KAT6A: variants seen among roughly 807,000 people sequenced by gnomAD.
KAT6A encodes histone acetyltransferase KAT6A.
In KAT6A, 9 loss-of-function variants were observed where a neutral mutation model predicts 198.4. The observed-to-expected ratio is 0.05, with a 90% CI of 0.03 to 0.08. The LOEUF (loss-of-function observed/expected upper bound fraction) is 0.08, where lower values mean the gene tolerates loss of function less well. KAT6A is among the 10% of genes least tolerant of loss of function. The probability of loss-of-function intolerance (pLI) is 1.00; values close to 1 mark genes in which losing one functional copy is unlikely to be tolerated. For synonymous variants in KAT6A, 890 were observed against 883.0 expected, an observed-to-expected ratio of 1.01 and a Z score of -0.14; for missense variants, 2,077 against 2,509.9, an observed-to-expected ratio of 0.83 and a Z score of 3.69.
At chr8:42,015,676 T>C (rs1398700615) in intron 2 of KAT6A, among the ~76,000 whole-genome samples, 1 of 152,242 alleles carries the variant, frequency 6.6e-6, no homozygotes, top group Non-Finnish European at 1.5e-5. Context: ...AATATGTATG[T>C]TGAAGGATAT....
chr8:42,033,009 G>A (rs959883323), intron 2 of KAT6A, among the ~76,000 whole-genome samples: 3 of 150,786 alleles, frequency 2.0e-5, no homozygotes, highest in Non-Finnish European at 2.9e-5. Context: ...CCTCCAAGTA[G>A]CTGGGATTAC....
At position 41,932,208 on chromosome 8, in the gene KAT6A, T is replaced by C; in HGVS notation, c.6012A>G (p.Arg2004=). ...TTTGATTGCAAGTTCATCTTGCTCA[T>C]CTTCTCATGTAAGGTCCGTTGAGTG... ...KQSLNGPYMR[R] The change falls in exon 17 of 17, where the codon AGA becomes AGG. Residue 2004 remains arginine, a synonymous_variant. Transcript: ENST00000265713. 6.4e-7 allele frequency: 1 copy of C among 1,558,866 alleles called. No homozygotes were observed. The highest frequency in any genetic ancestry group is 1.2e-5 in the South Asian group (1 of 81,220).
chr8:42,038,819 CT>C (rs1356434140), intron 2 of KAT6A, among the ~76,000 whole-genome samples: 1 of 152,210 alleles, frequency 6.6e-6, no homozygotes, highest in Non-Finnish European at 1.5e-5. Flanking sequence ...GCCAGACTTA[CT>C]TTTCCTTAGC....
intron 2 of KAT6A, among the ~76,000 whole-genome samples, chr8:42,008,000 A>G (rs968396648): frequency 6.6e-6 from 1 of 151,258 alleles, no homozygotes; most frequent in Non-Finnish European, 1.5e-5. Flanking sequence ...TTTATTGTTA[A>G]CTTCATAATC....
At chr8:41,986,730 G>A (rs539149774) in intron 3 of KAT6A, among the ~76,000 whole-genome samples, 1 of 152,206 alleles carries the variant, frequency 6.6e-6, no homozygotes, top group Middle Eastern at 3.4e-3. Context: ...ACACAATGAC[G>A]TTTCAATCAA....
At chr8:41,977,608 G>A in intron 6 of KAT6A, 1 of 281,248 alleles carries the variant, frequency 3.6e-6, no homozygotes, top group Non-Finnish European at 6.6e-6. Flanking sequence ...GTACGACTTG[G>A]ACAAATCACA....
In KAT6A at chr8:41,954,063, T is replaced by TCA. The variant is rs1187098782; in HGVS notation, c.1598+1231_1598+1232dup. 3.0e-4 allele frequency among the ~76,000 whole-genome samples: 45 copies of TCA among 152,308 alleles called. 2 individuals are homozygous for TCA. Among genetic ancestry groups the TCA allele is most frequent in the Admixed American group, 2.5e-3 (38 of 15,304 alleles). On this transcript the variant is annotated intron_variant, in intron 9 of 16. Coordinates refer to ENST00000265713, the MANE Select transcript of KAT6A (RefSeq NM_006766.5). The stretch of plus-strand genomic sequence containing the variant: ...GTAAATGGCCCTCAATTGCTGTGTT[T>TCA]CATGAGCTTGTGTGTTAGTTTCCTG...
chr8:41,941,463 A>G lies in KAT6A; in HGVS notation c.2437-19T>C, dbSNP rs1428504515. 6.4e-7 allele frequency: 1 copy of G among 1,562,478 alleles called. No individual in the cohort carries two copies. The highest frequency in any genetic ancestry group is 1.9e-5 in the Admixed American group (1 of 51,736). On this transcript the variant is annotated intron_variant, in intron 14 of 16. Coordinates refer to ENST00000265713, the MANE Select transcript of KAT6A (RefSeq NM_006766.5). ...TTCCCACCTGATTTTAGAAAATAAA[A>G]CAATGCTGGTTAATTTTTCAGTCTT... is the stretch of plus-strand genomic sequence containing the variant.
intron 8 of KAT6A, among the ~76,000 whole-genome samples, chr8:41,968,004 C>T (rs1823597186): frequency 6.6e-6 from 1 of 151,862 alleles, no homozygotes; most frequent in African/African-American, 2.4e-5. Flanking sequence ...AACGTTAGAC[C>T]TAAAACCATA....
At chr8:41,942,407 A>C (rs1372737662) in intron 14 of KAT6A, 2 of 265,758 alleles carry the variant, frequency 7.5e-6, no homozygotes, top group Admixed American at 9.5e-5. Flanking sequence ...GGGCCTCCTA[A>C]AGCGCTGAGA....
intron 2 of KAT6A, among the ~76,000 whole-genome samples, chr8:42,034,152 G>C (rs1326214416): frequency 1.3e-5 from 2 of 152,100 alleles, no homozygotes; most frequent in Non-Finnish European, 2.9e-5. Flanking sequence ...AAAATATAGG[G>C]GCAAGGGAAA....
chr8:42,050,054 C>T (rs1587872947), intron 1 of KAT6A, among the ~76,000 whole-genome samples: 3 of 140,410 alleles, frequency 2.1e-5, no homozygotes, highest in Admixed American at 7.2e-5. Flanking sequence ...TGTCAAACTG[C>T]GTGTAAGTAA....
rs183742583 is a variant in KAT6A, at chr8:41,992,064, G to A, written c.601-4501C>T. Among the ~76,000 whole-genome samples the A allele has an allele frequency of 3.3e-3, 507 of 152,094 alleles. 1 individual carries two copies. The highest frequency in any genetic ancestry group is 7.9e-3 in the Admixed American group (120 of 15,268). ...AAAAATACAAAAATTATCCGGGTAC[G>A]GTGGTGAGCACCTGTAGTCCCAGCT... On this transcript the variant is annotated intron_variant, in intron 2 of 16. Transcript: ENST00000265713.
chr8:42,021,542 T>C (rs1285917879), intron 2 of KAT6A, among the ~76,000 whole-genome samples: 2 of 152,170 alleles, frequency 1.3e-5, no homozygotes, highest in African/African-American at 4.8e-5. Flanking sequence ...AATTTAAAGA[T>C]CAAATAACAA....
At position 41,932,306 on chromosome 8, in the gene KAT6A, G is replaced by A. The variant is rs765243572; in HGVS notation, c.5914C>T (p.Pro1972Ser). The A allele has an allele frequency of 4.3e-6, 7 of 1,614,082 alleles. No homozygotes were observed. The South Asian group carries it at 6.6e-5, about 15-fold the overall frequency. The change falls in exon 17 of 17, where the codon CCT becomes TCT. Residue 1972 changes from proline (P) to serine (S), a missense_variant. This residue lies in a region of KAT6A where 500 missense variants were observed against 577.2 expected (regional missense o/e 0.87). Transcript: ENST00000265713. ...CCTGTGTACATCATGTTCCCATGAG[G>A]GTTAGGCTGCATAGGCTGCTGGGTA... Reference protein sequence around the residue: ...AYTQQPMQPNPHGNMMYTGPS... With the variant: ...AYTQQPMQPNSHGNMMYTGPS...
In KAT6A at chr8:42,030,572, A is replaced by T. The variant is rs561406514; in HGVS notation, c.600+17806T>A. ...TAAAATTTTATTTTATTTTATTATT[A>T]TTTTTTTTTTGAGACACAGTTTTGT... On this transcript the variant is annotated intron_variant, in intron 2 of 16. Coordinates refer to ENST00000265713, the MANE Select transcript of KAT6A (RefSeq NM_006766.5). 1.9e-3 allele frequency among the ~76,000 whole-genome samples: 279 copies of T among 148,538 alleles called. 1 individual carries two copies. The highest frequency in any genetic ancestry group is 4.6e-3 in the African/African-American group (187 of 40,544).
At chr8:42,024,980 A>C (rs536206039) in intron 2 of KAT6A, among the ~76,000 whole-genome samples, 1 of 152,262 alleles carries the variant, frequency 6.6e-6, no homozygotes, top group Non-Finnish European at 1.5e-5. Flanking sequence ...GAACTGCTGG[A>C]TCATATGGCA....
intron 8 of KAT6A, among the ~76,000 whole-genome samples, chr8:41,967,275 ATTT>A (rs1356241781): frequency 6.8e-4 from 12 of 17,576 alleles, no homozygotes; most frequent in African/African-American, 5.1e-3. Flanking sequence ...AAAAAAAAAA[ATTT>A]ATTTATTTAT....
intron 15 of KAT6A, among the ~76,000 whole-genome samples, chr8:41,939,919 T>C (rs1822024926): frequency 6.6e-6 from 1 of 152,214 alleles, no homozygotes; most frequent in Non-Finnish European, 1.5e-5. Flanking sequence ...ACGCAAGGGA[T>C]TAATAATAGA....
Sources: gnomAD v4.1 joint callset for allele counts (sites outside exome capture counted in the v4.1 genomes callset) on GRCh38, gnomAD v4.1.1 for gene constraint, gnomAD v4.1.1 regional missense constraint, MANE v1.5 for transcripts, NCBI Gene and HGNC (gene_info 2026-07-23, HGNC 2026-07-21) for gene names.